Variants in GLI2 observed in about 807,000 individuals in gnomAD.
The protein encoded by GLI2 is GLI family zinc finger 2.
GLI2 carries 22 observed loss-of-function variants against 78.9 expected under a neutral mutation model. The observed-to-expected ratio is 0.28, with a 90% confidence interval of 0.20 to 0.40. The LOEUF (loss-of-function observed/expected upper bound fraction) is 0.40. GLI2 is among the 10% of genes least tolerant of loss of function. The pLI is 1.00. For synonymous variants in GLI2, 974 were observed against 963.7 expected (o/e 1.01, Z -0.20); for missense variants, 2,097 against 2,213.2 (o/e 0.95, Z 1.05).
chr2:120,828,238 G>A (rs537099183), intron 2 of GLI2, among the ~76,000 whole-genome samples: 22 of 152,262 alleles, frequency 1.4e-4, no homozygotes, highest in African/African-American at 5.1e-4. Context: ...CAAGGCCCCC[G>A]GGCCAGGTGG....
intron 1 of GLI2, among the ~76,000 whole-genome samples, chr2:120,742,723 A>T (rs1002951024): frequency 6.0e-5 from 9 of 150,026 alleles, no homozygotes; most frequent in African/African-American, 2.2e-4. Flanking sequence ...TTCTCCATTG[A>T]GCACGTACAT....
chr2:120,823,194 G>A (rs1049663917), intron 2 of GLI2, among the ~76,000 whole-genome samples: 3 of 152,226 alleles, frequency 2.0e-5, no homozygotes, highest in Non-Finnish European at 2.9e-5. Flanking sequence ...CTGCAGGGAC[G>A]CTCCACTGTA....
At chr2:120,928,201 G>GACT (rs1259799408) in intron 3 of GLI2, among the ~76,000 whole-genome samples, 2 of 151,880 alleles carry the variant, frequency 1.3e-5, no homozygotes, top group Non-Finnish European at 2.9e-5. Context: ...ACAAAGGTCA[G>GACT]CCAGCCCCAA....
At chr2:120,750,366 G>A (rs1354430691) in intron 1 of GLI2, among the ~76,000 whole-genome samples, 1 of 152,272 alleles carries the variant, frequency 6.6e-6, no homozygotes, top group Non-Finnish European at 1.5e-5. Context: ...TCCAGCTGTG[G>A]CATGGCCATT....
chr2:120,852,478 T>G (rs66853191), intron 2 of GLI2, among the ~76,000 whole-genome samples: 36,328 of 152,070 alleles, frequency 0.24, 5,071 homozygotes, highest in East Asian at 0.65. Context: ...TGATATGTCG[T>G]GTCCGTGCCA....
chr2:120,838,146 T>C (rs1686703393), intron 2 of GLI2, among the ~76,000 whole-genome samples: 1 of 152,236 alleles, frequency 6.6e-6, no homozygotes, highest in African/African-American at 2.4e-5. Context: ...TTGGTTATTT[T>C]ATGTCTTTTT....
At chr2:120,938,993 C>T (rs1317665058) in intron 3 of GLI2, among the ~76,000 whole-genome samples, 1 of 152,180 alleles carries the variant, frequency 6.6e-6, no homozygotes, top group Non-Finnish European at 1.5e-5. Context: ...AAAAGAACAA[C>T]AAAAGTGGCC....
chr2:120,764,213 C>A (rs1197969229), intron 1 of GLI2, among the ~76,000 whole-genome samples: 1 of 152,210 alleles, frequency 6.6e-6, no homozygotes, highest in Non-Finnish European at 1.5e-5. Context: ...AGCTGACTGG[C>A]GGGCTCGTGG....
intron 2 of GLI2, among the ~76,000 whole-genome samples, chr2:120,919,573 G>A (rs568215731): frequency 5.3e-5 from 8 of 152,354 alleles, no homozygotes; most frequent in East Asian, 1.9e-4. Flanking sequence ...GTCCTGACAC[G>A]GGGCCCACCC....
intron 2 of GLI2, among the ~76,000 whole-genome samples, chr2:120,903,372 A>G (rs1573570111): frequency 6.6e-6 from 1 of 152,032 alleles, no homozygotes; most frequent in African/African-American, 2.4e-5. Flanking sequence ...AAAAAATTGC[A>G]ATTCAGACAG....
intron 4 of GLI2, among the ~76,000 whole-genome samples, chr2:120,953,608 C>T (rs748607509): frequency 5.3e-5 from 8 of 152,164 alleles, no homozygotes; most frequent in Non-Finnish European, 1.2e-4. Context: ...CCAGTAAAGA[C>T]GTCTACGGGA....
intron 2 of GLI2, among the ~76,000 whole-genome samples, chr2:120,920,154 A>G (rs1327605522): frequency 6.6e-6 from 1 of 152,216 alleles, no homozygotes; most frequent in Admixed American, 6.5e-5. Context: ...CTAGGACTGG[A>G]CAGCCCAGAG....
intron 1 of GLI2, among the ~76,000 whole-genome samples, chr2:120,763,635 C>T (rs992961936): frequency 1.3e-5 from 2 of 152,194 alleles, no homozygotes; most frequent in Non-Finnish European, 2.9e-5. Context: ...CTCACCCACT[C>T]CCCTGCAGAC....
At chr2:120,836,883 T>A (rs906573506) in intron 2 of GLI2, among the ~76,000 whole-genome samples, 2 of 152,244 alleles carry the variant, frequency 1.3e-5, no homozygotes, top group African/African-American at 4.8e-5. Context: ...CACAGTTTCT[T>A]CAGCCTCACT....
chr2:120,798,824 T>C (rs915542465), intron 2 of GLI2, among the ~76,000 whole-genome samples: 4 of 152,166 alleles, frequency 2.6e-5, no homozygotes, highest in Admixed American at 6.5e-5. Flanking sequence ...TTCCTTCCCC[T>C]GGGTCAGGGC....
intron 3 of GLI2, among the ~76,000 whole-genome samples, chr2:120,942,037 G>C (rs1298347410): frequency 1.3e-5 from 2 of 152,180 alleles, no homozygotes; most frequent in African/African-American, 4.8e-5. Context: ...ACTGGAACCT[G>C]GTTATTCCGA....
At chr2:120,913,928 G>C (rs181495247) in intron 2 of GLI2, among the ~76,000 whole-genome samples, 151 of 152,370 alleles carry the variant, frequency 9.9e-4, no homozygotes, top group African/African-American at 3.6e-3. Context: ...CTATGGCAGA[G>C]TGCAAAGCTG....
In GLI2 at chr2:120,786,732, CAAGTTGA is replaced by C. The variant is rs1684007779; in HGVS notation, c.-30-10558_-30-10552del. Among the ~76,000 whole-genome samples the C allele has an allele frequency of 2.0e-5, 3 of 152,210 alleles. No homozygotes were observed. The East Asian group carries it at 5.8e-4, about 29-fold the overall frequency. ...CAAACACTGCCCATGGCAGACAGTACAAGTTGACTAGTGTGCCTCCTGCAGCAGACAT... is the reference window on the plus strand; with the variant it reads ...CAAACACTGCCCATGGCAGACAGTACCTAGTGTGCCTCCTGCAGCAGACAT... On this transcript the variant is annotated intron_variant, in intron 1 of 13. Coordinates refer to ENST00000361492, the MANE Select transcript of GLI2 (RefSeq NM_001374353.1).
chr2:120,862,417 C>T (rs1430902489), intron 2 of GLI2, among the ~76,000 whole-genome samples: 1 of 152,174 alleles, frequency 6.6e-6, no homozygotes, highest in Admixed American at 6.5e-5. Flanking sequence ...TCTGGGGGCT[C>T]CAGGGACTCC....
Sources: gnomAD v4.1 joint callset for allele counts (sites outside exome capture counted in the v4.1 genomes callset) on GRCh38, gnomAD v4.1.1 for gene constraint, MANE v1.5 for transcripts, NCBI Gene and HGNC (gene_info 2026-07-23, HGNC 2026-07-21) for gene names.